Variants in ATAD2 observed in about 807,000 individuals in gnomAD.
ATAD2 encodes ATPase family AAA domain-containing protein 2.
Under a neutral mutation model 168.9 loss-of-function variants are expected in ATAD2, and 62 were observed. The observed-to-expected ratio is 0.37, with a 90% CI of 0.30 to 0.45. The LOEUF (loss-of-function observed/expected upper bound fraction) is 0.45, where lower values mean the gene tolerates loss of function less well. Among genes scored for constraint, ATAD2 ranks in the 20% least tolerant of loss-of-function variants. The pLI, the probability that ATAD2 is intolerant of heterozygous loss-of-function variation, is 1.00. For synonymous variants in ATAD2, 613 were observed against 571.6 expected (o/e 1.07, Z -1.03); for missense variants, 1,419 against 1,667.8 (o/e 0.85, Z 2.60).
chr8:123,398,345 C>T (rs892049457), upstream of ATAD2, among the ~76,000 whole-genome samples: 2 of 150,980 alleles, frequency 1.3e-5, no homozygotes, highest in Non-Finnish European at 2.9e-5. Context: ...ATTGTCCTGC[C>T]TAAGCCTCCA....
chr8:123,396,142 C>A (rs967592497), intron 1 of ATAD2, 45 bp downstream of exon 1: 7 of 1,502,622 alleles, frequency 4.7e-6, no homozygotes, highest in Admixed American at 2.2e-5. Context: ...TGCCGGCAGT[C>A]CCCCCGGGAA....
At chr8:123,384,882 A>G (rs547061796) in intron 1 of ATAD2, among the ~76,000 whole-genome samples, 23 of 152,068 alleles carry the variant, frequency 1.5e-4, no homozygotes, top group Non-Finnish European at 3.4e-4. Flanking sequence ...AATTCTAACA[A>G]CTCTACCCAC....
chr8:123,353,024 G>A (rs1158522183), intron 13 of ATAD2, among the ~76,000 whole-genome samples: 3 of 151,860 alleles, frequency 2.0e-5, no homozygotes, highest in Non-Finnish European at 2.9e-5. Context: ...TTGTGATCAT[G>A]CTACTGCACT....
rs1279182449 is a variant in ATAD2 at position 123,328,249 on chromosome 8, C to T, written c.3809G>A (p.Cys1270Tyr). 4.6e-6 allele frequency: 7 copies of T among 1,509,758 alleles called. No individual in the cohort carries two copies. The highest frequency in any genetic ancestry group is 6.2e-6 in the Non-Finnish European group (7 of 1,132,420). 93.5% of individuals were successfully genotyped at this position (1,509,758 alleles called of 1,614,324 possible). A position where few individuals can be genotyped will look rare whatever the true frequency, so the allele number is the denominator to read the frequency against. The change falls in exon 25 of 28, where the codon TGT becomes TAT. Residue 1270 changes from cysteine to tyrosine, a missense_variant. By Grantham distance (194) the Cys-to-Tyr change is radical. Coordinates refer to ENST00000287394, the MANE Select transcript of ATAD2 (RefSeq NM_014109.4). ...CTGAGAGCTAGAAGCATCTCCATTA[C>T]AAGCAATCTTGTCTCTCAATTCTGT... The part of the protein sequence containing the change: ...ACTELRDKIA[C>Y]NGDASSSQII...
At chr8:123,334,398 G>A in intron 22 of ATAD2, 76 bp from the exon 23 acceptor site, 1 of 1,270,380 alleles carries the variant, frequency 7.9e-7, no homozygotes, top group Non-Finnish European at 1.0e-6. Context: ...CAGCATATTA[G>A]GCTAAGATAG....
chr8:123,390,266 A>G (rs1212715280), intron 1 of ATAD2, among the ~76,000 whole-genome samples: 3 of 152,044 alleles, frequency 2.0e-5, no homozygotes, highest in African/African-American at 7.2e-5. Context: ...TACAGGCATG[A>G]GCCACTGCAC....
intron 13 of ATAD2, among the ~76,000 whole-genome samples, chr8:123,351,343 G>A (rs1195475589): frequency 6.6e-6 from 1 of 152,124 alleles, no homozygotes. Flanking sequence ...GTGGAGAGCT[G>A]TCCTGTACGT....
chr8:123,397,240 CAA>C (rs71310670), upstream of ATAD2, among the ~76,000 whole-genome samples: 566 of 39,976 alleles, frequency 0.014, 4 homozygotes, highest in African/African-American at 0.035. Context: ...GACTCTGTCT[CAA>C]AAAAAAAAAA....
intron 2 of ATAD2, among the ~76,000 whole-genome samples, chr8:123,373,018 G>A (rs1227936147): frequency 6.6e-6 from 1 of 151,110 alleles, no homozygotes; most frequent in Non-Finnish European, 1.5e-5. Flanking sequence ...TCAGCTTCCC[G>A]AATAGTTGGG....
chr8:123,328,870 G>A (rs1472609803), intron 24 of ATAD2, among the ~76,000 whole-genome samples: 1 of 139,088 alleles, frequency 7.2e-6, no homozygotes, highest in East Asian at 2.1e-4. Context: ...GTGCGATCTC[G>A]GCTCACTGCA....
Position 123,336,541 on chromosome 8 carries a change from C to G in ATAD2, c.3052-9G>C, listed in dbSNP as rs775863879. 57 of 1,491,404 alleles carry G rather than the reference C, an allele frequency of 3.8e-5. No individual in the cohort carries two copies. Among genetic ancestry groups the G allele is most frequent in the Non-Finnish European group, 5.1e-5 (57 of 1,125,512 alleles). 92.4% of individuals were successfully genotyped at this position (1,491,404 alleles called of 1,614,324 possible). ...GTGACATAATCAGGAACCTAAAATT[C>G]AAGCAAATGATCAAATCACAAAATT... On this transcript the variant is annotated splice_polypyrimidine_tract_variant and intron_variant, in intron 21 of 27. Coordinates refer to ENST00000287394, the MANE Select transcript of ATAD2 (RefSeq NM_014109.4).
At chr8:123,371,423 T>C in intron 4 of ATAD2, 85 bp from the exon 5 acceptor site, 1 of 1,081,810 alleles carries the variant, frequency 9.2e-7, no homozygotes, top group South Asian at 1.7e-5. Flanking sequence ...CATTGCAAAC[T>C]TTTGGCACTA....
At chr8:123,386,935 G>A (rs1829662232) in intron 1 of ATAD2, among the ~76,000 whole-genome samples, 1 of 151,452 alleles carries the variant, frequency 6.6e-6, no homozygotes, top group South Asian at 2.1e-4. Flanking sequence ...AAAATTATGT[G>A]GGAGTCCTCT....
rs918891557 is a variant in ATAD2 at position 123,336,623 on chromosome 8, GAAT to G, written c.3052-94_3052-92del. 3.6e-5 allele frequency: 33 copies of G among 911,536 alleles called. 1 individual carries two copies. The African/African-American group carries it at 5.0e-4, about 14-fold the overall frequency. 56.5% of individuals were successfully genotyped at this position (911,536 alleles called of 1,614,324 possible). On this transcript the variant is annotated intron_variant, in intron 21 of 27. Transcript: ENST00000287394. Reference sequence around the variant, plus strand: ...GATGCCAGGCAATATAGGAGATAGAGAATAAATACGTAAGAGATTATGATAATA... The same window carrying G: ...GATGCCAGGCAATATAGGAGATAGAGAAATACGTAAGAGATTATGATAATA...
Position 123,359,643 on chromosome 8 carries a change from A to C in ATAD2, c.1200T>G (p.Ile400Met), listed in dbSNP as rs1291977120. The C allele has an allele frequency of 6.2e-7, 1 of 1,612,774 alleles. No individual in the cohort carries two copies. The highest frequency in any genetic ancestry group is 8.5e-7 in the Non-Finnish European group (1 of 1,179,678). Reference protein sequence around the residue: ...LNFRKDELKGIYKDRMKIGAS... With the variant: ...LNFRKDELKGMYKDRMKIGAS... ...CTCCAATTTTCATTCGATCTTTATA[A>C]ATGCCTTTTAATTCATCTTTCCGAA... The change falls in exon 10 of 28, where the codon ATT becomes ATG. Residue 400 changes from isoleucine (I) to methionine (M), a missense_variant. This residue lies in a region of ATAD2 where 146 missense variants were observed against 188.3 expected (regional missense o/e 0.78). Transcript: ENST00000287394.
At chr8:123,340,498 A>G (rs1243250412) in intron 19 of ATAD2, among the ~76,000 whole-genome samples, 2 of 152,220 alleles carry the variant, frequency 1.3e-5, no homozygotes, top group Non-Finnish European at 2.9e-5. Flanking sequence ...AAAAACTCAA[A>G]TGAGTATTTG....
chr8:123,339,591 G>A, intron 19 of ATAD2, 145 bp from the exon 20 acceptor site: 1 of 759,322 alleles, frequency 1.3e-6, no homozygotes, highest in South Asian at 2.0e-5. Context: ...ATCGGGTTAT[G>A]TCCAAATAAA....
intron 24 of ATAD2, among the ~76,000 whole-genome samples, chr8:123,330,204 G>C (rs1827738382): frequency 6.6e-6 from 1 of 151,736 alleles, no homozygotes; most frequent in East Asian, 1.9e-4. Context: ...TGCCCAGGCT[G>C]GTCTTAAACT....
intron 22 of ATAD2, 97 bp from the exon 23 acceptor site, chr8:123,334,419 A>G: frequency 8.5e-7 from 1 of 1,170,968 alleles, no homozygotes. Context: ...TAGCTCTTAC[A>G]ATTCCTTTTG....
Sources: gnomAD v4.1 joint callset for allele counts (sites outside exome capture counted in the v4.1 genomes callset) on GRCh38, gnomAD v4.1.1 for gene constraint, gnomAD v4.1.1 regional missense constraint, MANE v1.5 for transcripts, NCBI Gene and HGNC (gene_info 2026-07-23, HGNC 2026-07-21) for gene names.